The following AFAP1 variants were observed in gnomAD, a reference collection of about 807,000 sequenced individuals.
AFAP1 encodes the protein actin filament-associated protein 1.
In AFAP1, 75 loss-of-function variants were observed where a neutral mutation model predicts 93.9. The ratio of observed to expected loss-of-function variants is 0.80; its 90% CI spans 0.66 to 0.97. The LOEUF (loss-of-function observed/expected upper bound fraction) is 0.97. AFAP1 is among the 50% of genes least tolerant of loss of function. AFAP1 has a pLI of 0.00. For synonymous variants in AFAP1, 517 were observed against 430.7 expected (o/e 1.20, Z -2.48); for missense variants, 1,201 against 1,050.8 (o/e 1.14, Z -1.98).
intron 3 of AFAP1, among the ~76,000 whole-genome samples, chr4:7,856,683 C>G (rs1353482519): frequency 6.6e-6 from 1 of 152,162 alleles, no homozygotes; most frequent in Non-Finnish European, 1.5e-5. Context: ...TGCTCAAGTC[C>G]CCTCTTTTCT....
At chr4:7,861,651 T>C (rs1380476794) in intron 3 of AFAP1, among the ~76,000 whole-genome samples, 1 of 152,126 alleles carries the variant, frequency 6.6e-6, no homozygotes, top group Non-Finnish European at 1.5e-5. Flanking sequence ...CAGGCAGGCA[T>C]CCAGATGGAA....
chr4:7,923,459 C>T (rs1278641461), intron 1 of AFAP1, among the ~76,000 whole-genome samples: 1 of 152,158 alleles, frequency 6.6e-6, no homozygotes, highest in African/African-American at 2.4e-5. Context: ...CACACCAGGG[C>T]AGTAGGAGCT....
At chr4:7,889,639 A>G (rs771659070) in intron 1 of AFAP1, among the ~76,000 whole-genome samples, 13 of 150,214 alleles carry the variant, frequency 8.7e-5, no homozygotes, top group Non-Finnish European at 1.5e-4. Flanking sequence ...TCATCAAACT[A>G]TTCTTTAAAC....
chr4:7,789,687 A>ACCC (rs35091361), intron 11 of AFAP1, among the ~76,000 whole-genome samples: 2 of 114,034 alleles, frequency 1.8e-5, no homozygotes, highest in Admixed American at 1.9e-4. Context: ...TATCCTCACC[A>ACCC]CCCCATCCAT....
chr4:7,905,815 A>G (rs1719362970), intron 1 of AFAP1, among the ~76,000 whole-genome samples: 1 of 152,216 alleles, frequency 6.6e-6, no homozygotes, highest in Non-Finnish European at 1.5e-5. Context: ...CTTGGCATCC[A>G]TACCCCGTCC....
intron 1 of AFAP1, among the ~76,000 whole-genome samples, chr4:7,919,427 T>A (rs1053497298): frequency 5.3e-5 from 8 of 152,218 alleles, no homozygotes. Context: ...TCATTTTATA[T>A]GGCTGAATGG....
intron 6 of AFAP1, among the ~76,000 whole-genome samples, chr4:7,820,344 G>A (rs1720858214): frequency 6.6e-6 from 1 of 152,216 alleles, no homozygotes; most frequent in Non-Finnish European, 1.5e-5. Flanking sequence ...TCTAGTCAGT[G>A]CTAGAAATAA....
chr4:7,871,099 C>T (rs1716993371), intron 2 of AFAP1, among the ~76,000 whole-genome samples: 1 of 152,186 alleles, frequency 6.6e-6, no homozygotes, highest in East Asian at 1.9e-4. Flanking sequence ...TTCTCAGGTG[C>T]TCTCATAAGG....
At chr4:7,910,262 A>T (rs1719652841) in intron 1 of AFAP1, among the ~76,000 whole-genome samples, 1 of 152,082 alleles carries the variant, frequency 6.6e-6, no homozygotes, top group Non-Finnish European at 1.5e-5. Context: ...GCAATACAGA[A>T]AACAGAGCCT....
intron 1 of AFAP1, among the ~76,000 whole-genome samples, chr4:7,908,273 G>A (rs6815298): frequency 0.31 from 46,703 of 152,014 alleles, 8,925 homozygotes; most frequent in Non-Finnish European, 0.44. Flanking sequence ...CAGAACACAA[G>A]CCCTGCTCTA....
chr4:7,891,268 G>A (rs1718453751), intron 1 of AFAP1, among the ~76,000 whole-genome samples: 1 of 152,218 alleles, frequency 6.6e-6, no homozygotes, highest in Non-Finnish European at 1.5e-5. Context: ...CCGGGTCTGT[G>A]TCCTGGGAGA....
chr4:7,801,928 A>AC (rs1560167802), intron 9 of AFAP1, among the ~76,000 whole-genome samples: 2 of 151,154 alleles, frequency 1.3e-5, no homozygotes, highest in African/African-American at 4.9e-5. Flanking sequence ...AAAAAAAAAA[A>AC]AAAAAAAAAA....
intron 6 of AFAP1, among the ~76,000 whole-genome samples, chr4:7,822,586 C>CTTTTTT (rs5855982): frequency 1.5e-5 from 2 of 132,570 alleles, no homozygotes; most frequent in Admixed American, 7.7e-5. Context: ...TTTCTTTTTT[C>CTTTTTT]TTTTTTTTTT....
chr4:7,835,497 C>T (rs113681084), intron 6 of AFAP1, among the ~76,000 whole-genome samples: 12 of 36,322 alleles, frequency 3.3e-4, no homozygotes, highest in East Asian at 4.5e-4. Flanking sequence ...GAATGGACTG[C>T]GGGCTGCCTT....
At chr4:7,852,922 C>T (rs1166231698) in intron 4 of AFAP1, among the ~76,000 whole-genome samples, 1 of 152,070 alleles carries the variant, frequency 6.6e-6, no homozygotes, top group Non-Finnish European at 1.5e-5. Flanking sequence ...TGGATGTGAC[C>T]CAAATGTTGG....
intron 12 of AFAP1, among the ~76,000 whole-genome samples, chr4:7,785,253 C>T (rs7675797): frequency 0.057 from 8,736 of 152,114 alleles, 776 homozygotes; most frequent in African/African-American, 0.19. Flanking sequence ...ATTACACGTA[C>T]GACACAGACA....
intron 1 of AFAP1, among the ~76,000 whole-genome samples, chr4:7,928,822 C>T (rs1720911513): frequency 6.6e-6 from 1 of 152,244 alleles, no homozygotes; most frequent in African/African-American, 2.4e-5. Context: ...CCTGCAATGG[C>T]CGCGGTGTTC....
At position 7,900,544 on chromosome 4, in the gene AFAP1, T is replaced by C. The variant is rs116031478; in HGVS notation, c.-2-28464A>G. ...TCCCAGGAAGCAATTACTTCATCTCTGCCCATGAAGCAGGCAGCTGTCATT... is the reference window on the plus strand; with the variant it reads ...TCCCAGGAAGCAATTACTTCATCTCCGCCCATGAAGCAGGCAGCTGTCATT... On this transcript the variant is annotated intron_variant, in intron 1 of 17. Transcript: ENST00000420658. Among the ~76,000 whole-genome samples, 1,162 of 152,318 alleles carry C rather than the reference T, an allele frequency of 7.6e-3. 13 individuals are homozygous for C. The highest frequency in any genetic ancestry group is 0.025 in the African/African-American group (1,038 of 41,564).
chr4:7,848,419 C>T (rs962952208), intron 4 of AFAP1, among the ~76,000 whole-genome samples: 1 of 152,074 alleles, frequency 6.6e-6, no homozygotes, highest in Non-Finnish European at 1.5e-5. Flanking sequence ...TGAAACTCTC[C>T]GTCTGAGAGG....
Sources: allele counts gnomAD v4.1 joint callset (sites outside exome capture counted in the v4.1 genomes callset), GRCh38; gene constraint gnomAD v4.1.1; transcripts MANE v1.5; gene names NCBI Gene and HGNC (gene_info 2026-07-23, HGNC 2026-07-21).